The following SRD5A2 variants were observed in gnomAD, a reference collection of about 807,000 sequenced individuals.
SRD5A2 encodes the protein steroid 5 alpha-reductase 2.
Under a neutral mutation model 27.4 loss-of-function variants are expected in SRD5A2, and 30 were observed. The ratio of observed to expected loss-of-function variants is 1.10; its 90% CI spans 0.82 to 1.49. The LOEUF (loss-of-function observed/expected upper bound fraction) is 1.49. SRD5A2 is among the 40% of genes most tolerant of loss of function. SRD5A2 has a pLI of 0.00. For missense variants in SRD5A2, 348 were observed against 323.4 expected (o/e 1.08, Z -0.58); for synonymous variants, 141 against 133.6 (o/e 1.06, Z -0.38).
chr2:31,558,524 A>G (rs1187942201), intron 1 of SRD5A2, among the ~76,000 whole-genome samples: 1 of 151,990 alleles, frequency 6.6e-6, no homozygotes, highest in East Asian at 1.9e-4. Flanking sequence ...CATCACTCCA[A>G]TGTTTGCCTC....
At chr2:31,638,353 G>T in the SRD5A2 span, among the ~76,000 whole-genome samples, 2,560 of 152,136 alleles carry the variant, frequency 0.017, 37 homozygotes, top group South Asian at 0.044. Flanking sequence ...CTAAGATACG[G>T]TCTATTCTGG....
chr2:31,533,094 A>G (rs895837839), intron 2 of SRD5A2, among the ~76,000 whole-genome samples: 3 of 152,142 alleles, frequency 2.0e-5, no homozygotes, highest in African/African-American at 7.2e-5. Flanking sequence ...ATCAGCTATC[A>G]TTGGTGTTAG....
the SRD5A2 span, among the ~76,000 whole-genome samples, chr2:31,634,803 G>C: frequency 6.6e-6 from 1 of 151,794 alleles, no homozygotes; most frequent in African/African-American, 2.4e-5. Context: ...TCTTTGTTTG[G>C]CTTATTTCAC....
chr2:31,624,626 C>G, the SRD5A2 span, among the ~76,000 whole-genome samples: 1 of 152,064 alleles, frequency 6.6e-6, no homozygotes, highest in Non-Finnish European at 1.5e-5. Context: ...TCTGTCCTTG[C>G]GATAGTTTGC....
chr2:31,602,263 C>A, the SRD5A2 span, among the ~76,000 whole-genome samples: 1 of 151,946 alleles, frequency 6.6e-6, no homozygotes, highest in South Asian at 2.1e-4. Context: ...TCCTATACAC[C>A]AACAACAGGC....
In SRD5A2 at chr2:31,523,427, G is replaced by T; in HGVS notation, c.*2769C>A. On this transcript the variant is annotated 3_prime_UTR_variant, in exon 5 of 5. Transcript: ENST00000622030. ...GAAGCATACATCTGACCCTCAAAGG[G>T]ACAAAATGAGATGGCTGCTCTGACC... 4.6e-6 allele frequency: 1 copy of T among 218,850 alleles called. No individual in the cohort carries two copies. Among genetic ancestry groups the T allele is most frequent in the Non-Finnish European group, 9.2e-6 (1 of 109,028 alleles). The allele number at this position is 218,850 out of a possible 1,614,324, so 13.6% of individuals were successfully genotyped here. A position where few individuals can be genotyped will look rare whatever the true frequency, so the allele number is the denominator to read the frequency against.
chr2:31,522,693 C>T lies in SRD5A2; in HGVS notation c.*3503G>A, dbSNP rs534990279. On this transcript the variant is annotated 3_prime_UTR_variant, in exon 5 of 5. Coordinates refer to ENST00000622030, the MANE Select transcript of SRD5A2 (RefSeq NM_000348.4). ...TCACCCAAGAACTCACATTGCCACCCGGCTCTATGCCTCTTTCATCATAGG... is the reference window on the plus strand; with the variant it reads ...TCACCCAAGAACTCACATTGCCACCTGGCTCTATGCCTCTTTCATCATAGG... 8 of 221,978 alleles carry T rather than the reference C, an allele frequency of 3.6e-5. No individual in the cohort carries two copies. Among genetic ancestry groups the T allele is most frequent in the East Asian group, 2.6e-4 (4 of 15,256 alleles). The allele number at this position is 221,978 out of a possible 1,614,324, so 13.8% of individuals were successfully genotyped here. A position where few individuals can be genotyped will look rare whatever the true frequency, so the allele number is the denominator to read the frequency against.
chr2:31,567,464 A>G (rs1572651910), intron 1 of SRD5A2, among the ~76,000 whole-genome samples: 1 of 144,698 alleles, frequency 6.9e-6, no homozygotes, highest in East Asian at 2.0e-4. Context: ...GTGTATATAT[A>G]TATATATATC....
chr2:31,531,613 G>T, intron 2 of SRD5A2, 141 bp from the exon 3 acceptor site: 1 of 509,454 alleles, frequency 2.0e-6, no homozygotes, highest in Non-Finnish European at 3.4e-6. Flanking sequence ...GCAGAAAGTG[G>T]GGAGGGCAAT....
the SRD5A2 span, among the ~76,000 whole-genome samples, chr2:31,600,711 G>A: frequency 6.6e-6 from 1 of 151,908 alleles, no homozygotes; most frequent in South Asian, 2.1e-4. Context: ...TGCATTCTAT[G>A]AGGCCAGTGT....
chr2:31,636,308 G>A, the SRD5A2 span, among the ~76,000 whole-genome samples: 2 of 151,894 alleles, frequency 1.3e-5, no homozygotes, highest in African/African-American at 4.8e-5. Flanking sequence ...TCATAAATGA[G>A]GTTGCATTCT....
the SRD5A2 span, among the ~76,000 whole-genome samples, chr2:31,617,070 T>C: frequency 3.9e-5 from 6 of 152,314 alleles, no homozygotes; most frequent in East Asian, 7.7e-4. Flanking sequence ...CCTGCCACTA[T>C]GTAAGGCATG....
chr2:31,580,829 G>C lies in SRD5A2; in HGVS notation c.72C>G (p.Ala24=). 1.2e-6 allele frequency: 2 copies of C among 1,612,532 alleles called. No individual in the cohort carries two copies. Among genetic ancestry groups the C allele is most frequent in the Non-Finnish European group, 8.5e-7 (1 of 1,179,706 alleles). ...SATLVALGAL[A]LYVAKPSGYG... ...AGCCGGAGGGCTTCGCGACGTACAA[G>C]GCCAGTGCCCCAAGGGCGACCAAAG... The change falls in exon 1 of 5, where the codon GCC becomes GCG. Residue 24 remains alanine, a synonymous_variant. Transcript: ENST00000622030.
chr2:31,602,951 A>G, the SRD5A2 span, among the ~76,000 whole-genome samples: 1 of 152,112 alleles, frequency 6.6e-6, no homozygotes, highest in Admixed American at 6.6e-5. Context: ...AAAACACCAA[A>G]GTATAAAAAC....
intron 1 of SRD5A2, among the ~76,000 whole-genome samples, chr2:31,542,849 G>A (rs914955910): frequency 7.2e-5 from 11 of 152,012 alleles, no homozygotes; most frequent in Admixed American, 1.3e-4. Flanking sequence ...CCCAGACAAC[G>A]CAGAGAGAAA....
At chr2:31,555,454 A>G (rs1666476089) in intron 1 of SRD5A2, among the ~76,000 whole-genome samples, 1 of 152,206 alleles carries the variant, frequency 6.6e-6, no homozygotes, top group Non-Finnish European at 1.5e-5. Context: ...AAATCTCGGT[A>G]AGGTTTTGCT....
the SRD5A2 span, among the ~76,000 whole-genome samples, chr2:31,649,742 G>A: frequency 2.0e-5 from 3 of 151,984 alleles, no homozygotes; most frequent in South Asian, 6.2e-4. Context: ...TTTTGAATCT[G>A]TATATGATAC....
At chr2:31,528,433 T>G (rs532652074) in intron 4 of SRD5A2, among the ~76,000 whole-genome samples, 23 of 152,272 alleles carry the variant, frequency 1.5e-4, no homozygotes, top group African/African-American at 5.1e-4. Context: ...GTCACCAAGA[T>G]AGTACTTTTT....
the SRD5A2 span, among the ~76,000 whole-genome samples, chr2:31,641,282 TA>T: frequency 2.0e-5 from 3 of 152,276 alleles, no homozygotes; most frequent in Middle Eastern, 3.4e-3. Flanking sequence ...AATCATTTCA[TA>T]AAGAGGAACA....
Sources: gnomAD v4.1 joint callset for allele counts (sites outside exome capture counted in the v4.1 genomes callset) on GRCh38, gnomAD v4.1.1 for gene constraint, MANE v1.5 for transcripts, NCBI Gene and HGNC (gene_info 2026-07-23, HGNC 2026-07-21) for gene names.